Variants in ZNF606 observed in about 807,000 individuals in gnomAD.
The protein encoded by ZNF606 is zinc finger protein 328.
In ZNF606, 37 loss-of-function variants were observed where a neutral mutation model predicts 74.9. The observed-to-expected ratio is 0.49, with a 90% CI of 0.38 to 0.65. ZNF606 has a LOEUF of 0.65. Among genes scored for constraint, ZNF606 ranks in the 30% least tolerant of loss-of-function variants. The pLI is 0.00. For synonymous variants in ZNF606, 328 were observed against 312.4 expected, an observed-to-expected ratio of 1.05 and a Z score of -0.53; for missense variants, 852 against 952.9, an observed-to-expected ratio of 0.89 and a Z score of 1.39.
At chr19:57,997,629 C>A (rs373786761) in intron 4 of ZNF606, 11 of 152,234 alleles carry the variant, frequency 7.2e-5, no homozygotes, top group African/African-American at 2.4e-4. Flanking sequence ...ATTTTTAATT[C>A]TGTTTTATTT....
intron 4 of ZNF606, among the ~76,000 whole-genome samples, chr19:57,992,864 C>G (rs1398602084): frequency 6.6e-6 from 1 of 152,222 alleles, no homozygotes; most frequent in Non-Finnish European, 1.5e-5. Context: ...TGGGTGCTTG[C>G]AGCAGGCTGA....
intron 6 of ZNF606, among the ~76,000 whole-genome samples, chr19:57,980,789 C>T (rs915467653): frequency 1.4e-5 from 2 of 146,160 alleles, no homozygotes; most frequent in Admixed American, 1.4e-4. Context: ...GAGCCAAGAT[C>T]GCGCCACTGC....
intron 6 of ZNF606, among the ~76,000 whole-genome samples, chr19:57,981,467 T>C (rs116033756): frequency 0.013 from 1,929 of 152,244 alleles, 46 homozygotes; most frequent in African/African-American, 0.042. Flanking sequence ...AAAAAAAGAA[T>C]AAAGCCTTTC....
rs766703145 is a variant in ZNF606, at chr19:58,002,732, C to CG, written c.-389_-388insC. The CG allele has an allele frequency of 5.3e-4, 240 of 454,114 alleles. No homozygotes were observed. Among genetic ancestry groups the CG allele is most frequent in the African/African-American group, 4.0e-3 (199 of 49,608 alleles). The allele number at this position is 454,114 out of a possible 1,614,324, so 28.1% of individuals were successfully genotyped here. A position where few individuals can be genotyped will look rare whatever the true frequency, so the allele number is the denominator to read the frequency against. Reference sequence around the variant, plus strand: ...TCTCCCAGCCGGCTCTCCTGACCCCCCAAGCCCCGCAGCTACGGCGGCCCC... The same window carrying CG: ...TCTCCCAGCCGGCTCTCCTGACCCCCGCAAGCCCCGCAGCTACGGCGGCCCC... On this transcript the variant is annotated 5_prime_UTR_variant, in exon 1 of 7. Coordinates refer to ENST00000551380, the MANE Select transcript of ZNF606 (RefSeq NM_001348022.3).
chr19:57,983,143 G>A (rs2073111544), intron 6 of ZNF606, among the ~76,000 whole-genome samples: 1 of 152,206 alleles, frequency 6.6e-6, no homozygotes, highest in Non-Finnish European at 1.5e-5. Context: ...AACAGTTCTT[G>A]TCCAACTTTA....
At position 57,978,327 on chromosome 19, in the gene ZNF606, T is replaced by C; in HGVS notation, c.2353A>G (p.Asn785Asp). The change falls in exon 7 of 7, where the codon AAT (asparagine) becomes GAT (aspartate). Residue 785 changes from asparagine to aspartate, a missense_variant. Around this residue, in one of 3 missense-constraint regions of ZNF606, gnomAD observed 64 missense variants for 51.1 expected, o/e 1.25. Coordinates refer to ENST00000551380, the MANE Select transcript of ZNF606 (RefSeq NM_001348022.3). This position sits in a 1 kb window ranked among gnomAD's most constrained non-coding sequence, Gnocchi z 4.4. ...CAATTCAGTTTCTCTTCACTGTGAT[T>C]TCTCTGGTGTTGAAGTAGGGCTGAG... ...GHSALLQHQR[N>D]HSEEKLN is the part of the protein sequence containing the mutation. 1.3e-6 allele frequency: 2 copies of C among 1,571,714 alleles called. No homozygotes were observed. The highest frequency in any genetic ancestry group is 1.7e-6 in the Non-Finnish European group (2 of 1,158,414).
rs1047965075 is a variant in ZNF606 at position 57,988,242 on chromosome 19, G to A, written c.365C>T (p.Ser122Leu). 1 of 1,614,054 alleles carries A rather than the reference G, an allele frequency of 6.2e-7. No homozygotes were observed. The highest frequency in any genetic ancestry group is 8.5e-7 in the Non-Finnish European group (1 of 1,180,004). ...GCGTTGAGGACATGCCTGCTCCACT[G>A]ACCACGGCTCTTCTCCTTGCTCCAA... ...SLLEQGEEPW[S>L]VEQACPQRTC... The change falls in exon 6 of 7, where the codon TCA (serine) becomes TTA (leucine). Residue 122 changes from serine to leucine, a missense_variant. Around this residue, in one of 3 missense-constraint regions of ZNF606, gnomAD observed 545 missense variants for 542.5 expected, o/e 1.00. Transcript: ENST00000551380.
rs970561431 is a variant in ZNF606 at position 58,002,519 on chromosome 19, C to A, written c.-175G>T. On this transcript the variant is annotated 5_prime_UTR_variant, in exon 1 of 7. Transcript: ENST00000551380. ...CAGGAGTGCGCTTGGGAGCTCCCGG[C>A]GCGGCCTCGGGGACAAAGGCCCGCG... is the stretch of plus-strand genomic sequence containing the variant. The A allele has an allele frequency of 6.9e-6, 3 of 434,306 alleles. No individual in the cohort carries two copies. The highest frequency in any genetic ancestry group is 1.4e-5 in the Non-Finnish European group (3 of 216,518). 26.9% of individuals were successfully genotyped at this position (434,306 alleles called of 1,614,324 possible).
chr19:58,002,421 TG>T lies in ZNF606; in HGVS notation c.-78del, dbSNP rs2073448545. ...CTGGCTCGCGGCCGGCGGTCCCCCT[TG>T]AAGGCGGCGCAGCAGGATCGGGGTC... On this transcript the variant is annotated 5_prime_UTR_variant, in exon 1 of 7. Transcript: ENST00000551380. 2.2e-6 allele frequency: 1 copy of T among 455,902 alleles called. No individual in the cohort carries two copies. Among genetic ancestry groups the T allele is most frequent in the African/African-American group, 2.0e-5 (1 of 50,056 alleles). 28.2% of individuals were successfully genotyped at this position (455,902 alleles called of 1,614,324 possible).
chr19:57,987,158 A>C (rs1338113573), intron 6 of ZNF606, among the ~76,000 whole-genome samples: 1 of 152,196 alleles, frequency 6.6e-6, no homozygotes, highest in Non-Finnish European at 1.5e-5. Flanking sequence ...AGTAAAAGAA[A>C]AGTAGTTACC....
intron 6 of ZNF606, 81 bp from the exon 7 acceptor site, chr19:57,980,360 T>TA: frequency 1.4e-6 from 2 of 1,419,268 alleles, no homozygotes; most frequent in South Asian, 2.8e-5. Context: ...TTACTGTCCA[T>TA]ATTATCAAAA....
intron 6 of ZNF606, 40 bp from the exon 7 acceptor site, chr19:57,980,319 A>G (rs1445798351): frequency 6.5e-7 from 1 of 1,545,440 alleles, no homozygotes; most frequent in South Asian, 1.3e-5. Flanking sequence ...GCATAGAGAA[A>G]GACATTAGAA....
intron 4 of ZNF606, chr19:57,998,438 T>C (rs1189311501): frequency 2.6e-5 from 4 of 152,174 alleles, no homozygotes; most frequent in African/African-American, 4.8e-5. Context: ...GCAAACATTA[T>C]GCTAAGTGAA....
At chr19:57,990,907 T>A (rs1417288371) in intron 4 of ZNF606, among the ~76,000 whole-genome samples, 5 of 152,264 alleles carry the variant, frequency 3.3e-5, no homozygotes, top group Middle Eastern at 3.4e-3. Flanking sequence ...GGCTCAGCCT[T>A]ACTGTGCCCC....
chr19:57,997,521 G>C (rs1038750492), intron 4 of ZNF606: 1 of 152,164 alleles, frequency 6.6e-6, no homozygotes, highest in Non-Finnish European at 1.5e-5. Flanking sequence ...AGTCAAATCC[G>C]AGTTTCCCAC....
Position 57,978,524 on chromosome 19 carries a change from T to C in ZNF606, c.2156A>G (p.Glu719Gly). ...RCNECGKAFN[E>G]SSSLIVHLRN... ...TAGGTGTACAATAAGGGATGAACTCTCATTAAATGCTTTCCCACATTCATT... is the reference window on the plus strand; with the variant it reads ...TAGGTGTACAATAAGGGATGAACTCCCATTAAATGCTTTCCCACATTCATT... The change falls in exon 7 of 7, where the codon GAG becomes GGG. Residue 719 changes from glutamate to glycine, a missense_variant. By Grantham distance (98) the Glu-to-Gly change is moderately conservative (BLOSUM62 -2). Coordinates refer to ENST00000551380, the MANE Select transcript of ZNF606 (RefSeq NM_001348022.3). This position sits in a 1 kb window ranked among gnomAD's most constrained non-coding sequence, Gnocchi z 4.4. The C allele has an allele frequency of 2.5e-6, 4 of 1,614,110 alleles. No homozygotes were observed. Among genetic ancestry groups the C allele is most frequent in the Non-Finnish European group, 3.4e-6 (4 of 1,180,004 alleles).
intron 4 of ZNF606, chr19:57,998,249 C>T (rs923215782): frequency 3.3e-5 from 5 of 151,842 alleles, no homozygotes; most frequent in Admixed American, 1.3e-4. Context: ...AAAAAATCTC[C>T]CATTTAGAAA....
rs1338805919 is a variant in ZNF606 at position 58,002,817 on chromosome 19, G to C, written c.-473C>G. 9 of 449,218 alleles carry C rather than the reference G, an allele frequency of 2.0e-5. No homozygotes were observed. The highest frequency in any genetic ancestry group is 7.3e-5 in the Admixed American group (3 of 41,212). 27.8% of individuals were successfully genotyped at this position (449,218 alleles called of 1,614,324 possible). A position where few individuals can be genotyped will look rare whatever the true frequency, so the allele number is the denominator to read the frequency against. ...CAATGGCGGCTGCTTCCCCGGCGTCGACCGGAGCGCGCCGCGGGGTCTGCT... is the reference window on the plus strand; with the variant it reads ...CAATGGCGGCTGCTTCCCCGGCGTCCACCGGAGCGCGCCGCGGGGTCTGCT... On this transcript the variant is annotated 5_prime_UTR_variant, in exon 1 of 7. Transcript: ENST00000551380.
chr19:57,998,936 A>T (rs746367392), intron 4 of ZNF606: 1 of 152,562 alleles, frequency 6.6e-6, no homozygotes, highest in Non-Finnish European at 1.5e-5. Context: ...TGAAGCCTGA[A>T]ACACCAGCCT....
Sources: allele counts gnomAD v4.1 joint callset (sites outside exome capture counted in the v4.1 genomes callset), GRCh38; gene constraint gnomAD v4.1.1; regional missense constraint gnomAD v4.1.1; non-coding constraint Gnocchi (gnomAD v3.1); transcripts MANE v1.5; gene names NCBI Gene and HGNC (gene_info 2026-07-23, HGNC 2026-07-21).